SMIM36: variants seen among roughly 807,000 people sequenced by gnomAD.
SMIM36 encodes the protein small integral membrane protein 36.
At chr17:55,519,010 C>G in the SMIM36 span, among the ~76,000 whole-genome samples, 1 of 146,514 alleles carries the variant, frequency 6.8e-6, no homozygotes, top group Non-Finnish European at 1.5e-5. Flanking sequence ...TTTTTTTTCT[C>G]TCACCGAGGA....
the SMIM36 span, among the ~76,000 whole-genome samples, chr17:55,529,495 C>T: frequency 1.4e-4 from 21 of 151,964 alleles, no homozygotes; most frequent in Non-Finnish European, 8.8e-5. Context: ...GAGCCTGGCA[C>T]GGTGGCTCAC....
chr17:55,530,556 A>G, the SMIM36 span, among the ~76,000 whole-genome samples: 61,700 of 152,090 alleles, frequency 0.41, 13,331 homozygotes, highest in East Asian at 0.59. Context: ...AGGCCAAGGC[A>G]GGCGGATCAA....
At chr17:55,465,527 T>G (rs1909220370) in intron 4 of SMIM36, among the ~76,000 whole-genome samples, 1 of 152,078 alleles carries the variant, frequency 6.6e-6, no homozygotes, top group Non-Finnish European at 1.5e-5. Flanking sequence ...GTTGGAGGAG[T>G]TATTGTGCTT....
intron 1 of SMIM36, among the ~76,000 whole-genome samples, chr17:55,487,323 C>G (rs1266969710): frequency 6.6e-6 from 1 of 152,102 alleles, no homozygotes; most frequent in Admixed American, 6.5e-5. Flanking sequence ...GCACGTTGTG[C>G]ACATGTACCC....
the SMIM36 span, among the ~76,000 whole-genome samples, chr17:55,517,483 A>G: frequency 6.6e-6 from 1 of 152,206 alleles, no homozygotes; most frequent in Admixed American, 6.5e-5. Flanking sequence ...GAATCGCTGG[A>G]ACCTGGGAGG....
intron 1 of SMIM36, among the ~76,000 whole-genome samples, chr17:55,486,015 C>A (rs1018478287): frequency 3.1e-5 from 4 of 130,702 alleles, no homozygotes; most frequent in Non-Finnish European, 6.7e-5. Flanking sequence ...AAAGAAAGAG[C>A]TTTCTTTTTT....
intron 4 of SMIM36, among the ~76,000 whole-genome samples, chr17:55,452,472 C>T (rs1004019956): frequency 3.9e-5 from 6 of 152,248 alleles, no homozygotes; most frequent in South Asian, 2.1e-4. Flanking sequence ...ATTATGACCT[C>T]GGCCATGGAT....
chr17:55,478,714 C>G (rs903882129), intron 3 of SMIM36, 48 bp downstream of exon 3: 2 of 152,280 alleles, frequency 1.3e-5, no homozygotes, highest in African/African-American at 2.4e-5. Flanking sequence ...CAGCCCTGTT[C>G]TGGTTGAAAT....
intron 1 of SMIM36, among the ~76,000 whole-genome samples, chr17:55,503,576 G>A (rs202173951): frequency 0.086 from 12,596 of 147,258 alleles, 863 homozygotes; most frequent in East Asian, 0.25. Flanking sequence ...TGAAGGAAGC[G>A]CTAAACATGG....
chr17:55,476,687 C>A (rs1310358274), intron 3 of SMIM36, among the ~76,000 whole-genome samples: 1 of 152,138 alleles, frequency 6.6e-6, no homozygotes, highest in Non-Finnish European at 1.5e-5. Context: ...CCCACCTCAG[C>A]CTCCTGACTA....
At chr17:55,493,799 T>TCC in intron 1 of SMIM36, among the ~76,000 whole-genome samples, 2 of 96,950 alleles carry the variant, frequency 2.1e-5, no homozygotes, top group East Asian at 4.5e-4. Flanking sequence ...AGCAGAGCTC[T>TCC]CTCTCTCTCA....
intron 3 of SMIM36, among the ~76,000 whole-genome samples, chr17:55,469,258 C>A (rs1410122310): frequency 6.6e-6 from 1 of 152,208 alleles, no homozygotes; most frequent in East Asian, 1.9e-4. Flanking sequence ...ACTAGCTCTT[C>A]CCCACTTGCC....
chr17:55,494,509 C>T (rs1399964417), intron 1 of SMIM36, among the ~76,000 whole-genome samples: 1 of 152,082 alleles, frequency 6.6e-6, no homozygotes, highest in Non-Finnish European at 1.5e-5. Context: ...GGATTATGCC[C>T]ATTACACATA....
chr17:55,518,093 G>T, the SMIM36 span, among the ~76,000 whole-genome samples: 2 of 152,176 alleles, frequency 1.3e-5, no homozygotes, highest in African/African-American at 4.8e-5. Flanking sequence ...GGATAACTTG[G>T]CTTACAGTTC....
At chr17:55,454,882 A>AT (rs933471137) in intron 4 of SMIM36, among the ~76,000 whole-genome samples, 3 of 151,888 alleles carry the variant, frequency 2.0e-5, no homozygotes, top group Non-Finnish European at 4.4e-5. Flanking sequence ...TAATGACCAT[A>AT]TTTTTTTTCA....
chr17:55,508,799 T>C (rs1910129544), intron 1 of SMIM36, among the ~76,000 whole-genome samples: 1 of 151,766 alleles, frequency 6.6e-6, no homozygotes, highest in Non-Finnish European at 1.5e-5. Flanking sequence ...GGCAGATGCC[T>C]GTAAGCCCAG....
At chr17:55,496,988 G>T (rs1041653926) in intron 1 of SMIM36, among the ~76,000 whole-genome samples, 1 of 152,162 alleles carries the variant, frequency 6.6e-6, no homozygotes, top group Admixed American at 6.6e-5. Context: ...GAGGTGTCTG[G>T]CATTCACTAA....
At chr17:55,476,567 ATT>A (rs71159295) in intron 3 of SMIM36, among the ~76,000 whole-genome samples, 13 of 149,674 alleles carry the variant, frequency 8.7e-5, no homozygotes, top group Non-Finnish European at 8.9e-5. Flanking sequence ...GATGGTCACT[ATT>A]TTTTTTTTTT....
the SMIM36 span, among the ~76,000 whole-genome samples, chr17:55,525,264 C>A: frequency 6.6e-6 from 1 of 152,156 alleles, no homozygotes; most frequent in Non-Finnish European, 1.5e-5. Flanking sequence ...ACTGTGTCAT[C>A]CCTTGTCTCT....
Sources: allele counts gnomAD v4.1 joint callset (sites outside exome capture counted in the v4.1 genomes callset), GRCh38; gene constraint gnomAD v4.1.1; transcripts MANE v1.5; gene names NCBI Gene and HGNC (gene_info 2026-07-23, HGNC 2026-07-21).